The following MLIP variants were observed in gnomAD, a reference collection of about 807,000 sequenced individuals.
The protein encoded by MLIP is muscular LMNA-interacting protein.
In MLIP, 79 loss-of-function variants were observed where a neutral mutation model predicts 84.8. The ratio of observed to expected loss-of-function variants is 0.93; its 90% CI spans 0.78 to 1.12. The LOEUF (loss-of-function observed/expected upper bound fraction) is 1.12, where lower values mean the gene tolerates loss of function less well. MLIP is among the 50% of genes most tolerant of loss of function. The probability of loss-of-function intolerance (pLI) is 0.00; values close to 1 mark genes in which losing one functional copy is unlikely to be tolerated. For missense variants in MLIP, 1,257 were observed against 1,160.6 expected (o/e 1.08, Z -1.21); for synonymous variants, 504 against 463.0 (o/e 1.09, Z -1.14).
At chr6:54,098,386 C>T (rs564701406) in intron 1 of MLIP, among the ~76,000 whole-genome samples, 46 of 132,848 alleles carry the variant, frequency 3.5e-4, no homozygotes, top group Admixed American at 1.5e-3. Flanking sequence ...AGGCTGGTCT[C>T]AAACTCCTGG....
At chr6:54,054,365 G>C (rs1170007932) in intron 1 of MLIP, among the ~76,000 whole-genome samples, 1 of 148,284 alleles carries the variant, frequency 6.7e-6, no homozygotes, top group East Asian at 2.0e-4. Context: ...AGGGTGGATT[G>C]TGTCAGATTG....
At chr6:54,198,223 T>TTTGGCA (rs1183469733) in intron 10 of MLIP, among the ~76,000 whole-genome samples, 1 of 152,130 alleles carries the variant, frequency 6.6e-6, no homozygotes, top group Non-Finnish European at 1.5e-5. Context: ...GGCACTGAGC[T>TTTGGCA]TTGGCACTCA....
chr6:54,100,299 A>G (rs1382252701), intron 1 of MLIP, among the ~76,000 whole-genome samples: 6 of 12,106 alleles, frequency 5.0e-4, no homozygotes, highest in Non-Finnish European at 1.3e-3. Flanking sequence ...ATAAGTACAT[A>G]AAGTGCTTTT....
At chr6:54,113,646 T>A (rs1769664152) in intron 1 of MLIP, among the ~76,000 whole-genome samples, 1 of 152,092 alleles carries the variant, frequency 6.6e-6, no homozygotes, top group Admixed American at 6.6e-5. Flanking sequence ...ACAAGCTCAG[T>A]GCCCTTCCTT....
chr6:54,244,913 G>A (rs1349987133), intron 12 of MLIP, among the ~76,000 whole-genome samples: 1 of 152,122 alleles, frequency 6.6e-6, no homozygotes, highest in Non-Finnish European at 1.5e-5. Flanking sequence ...AAGAAATTAG[G>A]AATTTGGTAA....
chr6:54,096,694 T>C (rs1039205335), intron 1 of MLIP, among the ~76,000 whole-genome samples: 1 of 152,198 alleles, frequency 6.6e-6, no homozygotes, highest in Non-Finnish European at 1.5e-5. Flanking sequence ...TCCTGCCTCT[T>C]CTTCTTACTT....
intron 9 of MLIP, among the ~76,000 whole-genome samples, chr6:54,182,841 A>T (rs183951965): frequency 6.6e-6 from 1 of 151,954 alleles, no homozygotes; most frequent in Non-Finnish European, 1.5e-5. Flanking sequence ...GCATCAAAAA[A>T]CTCTTAGTTG....
chr6:54,126,377 C>G (rs879304906), intron 3 of MLIP, among the ~76,000 whole-genome samples: 1 of 151,604 alleles, frequency 6.6e-6, no homozygotes, highest in Non-Finnish European at 1.5e-5. Context: ...CTGAATATGT[C>G]CTTTAAAATA....
chr6:54,254,274 A>G (rs549189613), intron 12 of MLIP, among the ~76,000 whole-genome samples: 4 of 151,480 alleles, frequency 2.6e-5, no homozygotes, highest in South Asian at 2.1e-4. Flanking sequence ...CTGCAGACGC[A>G]CACCACCATG....
At chr6:54,240,521 A>G (rs1347810800) in intron 12 of MLIP, among the ~76,000 whole-genome samples, 3 of 152,170 alleles carry the variant, frequency 2.0e-5, no homozygotes, top group African/African-American at 7.2e-5. Flanking sequence ...TGCATATGAC[A>G]TAATTTACGT....
chr6:54,153,947 T>A (rs368526397), intron 5 of MLIP, among the ~76,000 whole-genome samples: 113 of 152,224 alleles, frequency 7.4e-4, no homozygotes, highest in South Asian at 5.6e-3. Flanking sequence ...ATTGCTTAAT[T>A]TAGATTCTAG....
At chr6:54,034,703 A>T (rs1764329248) in intron 1 of MLIP, among the ~76,000 whole-genome samples, 1 of 152,162 alleles carries the variant, frequency 6.6e-6, no homozygotes, top group African/African-American at 2.4e-5. Flanking sequence ...TAAAGTAAAA[A>T]AATTAAAGTA....
chr6:54,208,381 T>A (rs1779189921), intron 11 of MLIP, among the ~76,000 whole-genome samples: 1 of 151,638 alleles, frequency 6.6e-6, no homozygotes, highest in South Asian at 2.1e-4. Flanking sequence ...AGCCCAGGAG[T>A]CTGAGACCAG....
chr6:54,039,095 T>C (rs1764603741), intron 1 of MLIP, among the ~76,000 whole-genome samples: 1 of 151,930 alleles, frequency 6.6e-6, no homozygotes. Context: ...CTTTTGATTT[T>C]TGAACAATAA....
At chr6:54,203,631 G>T (rs1012121841) in intron 11 of MLIP, 4 of 152,130 alleles carry the variant, frequency 2.6e-5, no homozygotes, top group African/African-American at 9.7e-5. Context: ...TGTTGTCTAG[G>T]CTGGAGCTCA....
In MLIP at chr6:54,146,530, G is replaced by A. The variant is rs1043647118; in HGVS notation, c.2218-2526G>A. 8.5e-5 allele frequency among the ~76,000 whole-genome samples: 13 copies of A among 152,290 alleles called. 1 individual carries two copies. Among genetic ancestry groups the A allele is most frequent in the Admixed American group, 7.2e-4 (11 of 15,284 alleles). On this transcript the variant is annotated intron_variant, in intron 4 of 13. Transcript: ENST00000502396. ...GGGGGAAATAGGACCAATGAGATAAGTTAGCAGGAAGCATATTTTGGCTCA... is the reference window on the plus strand; with the variant it reads ...GGGGGAAATAGGACCAATGAGATAAATTAGCAGGAAGCATATTTTGGCTCA...
intron 12 of MLIP, among the ~76,000 whole-genome samples, chr6:54,235,105 C>T (rs1461072644): frequency 6.6e-6 from 1 of 152,176 alleles, no homozygotes; most frequent in African/African-American, 2.4e-5. Context: ...TCTCAGTCCC[C>T]AAACTCAAAA....
At chr6:54,234,129 C>G (rs901643916) in intron 12 of MLIP, among the ~76,000 whole-genome samples, 35 of 151,598 alleles carry the variant, frequency 2.3e-4, no homozygotes, top group African/African-American at 7.7e-4. Context: ...TGCAAAAATT[C>G]TTTTATCCTT....
At chr6:54,191,580 A>G (rs140820481) in intron 10 of MLIP, among the ~76,000 whole-genome samples, 1 of 152,270 alleles carries the variant, frequency 6.6e-6, no homozygotes. Flanking sequence ...GGGTAAGTCA[A>G]AAGTCCGGGA....
Sources: allele counts gnomAD v4.1 joint callset (sites outside exome capture counted in the v4.1 genomes callset), GRCh38; gene constraint gnomAD v4.1.1; transcripts MANE v1.5; gene names NCBI Gene and HGNC (gene_info 2026-07-23, HGNC 2026-07-21).